ACTL8: variants seen among roughly 807,000 people sequenced by gnomAD.
ACTL8 encodes the protein actin-like protein 8.
ACTL8 carries 3 observed loss-of-function variants against 9.3 expected under a neutral mutation model. The ratio of observed to expected loss-of-function variants is 0.32; its 90% CI spans 0.15 to 0.83. ACTL8 has a LOEUF of 0.83. ACTL8 is among the 40% of genes least tolerant of loss of function. The pLI, the probability that ACTL8 is intolerant of heterozygous loss-of-function variation, is 0.57. For missense variants in ACTL8, 381 were observed against 492.2 expected (o/e 0.77, Z 2.14); for synonymous variants, 224 against 205.9 (o/e 1.09, Z -0.75).
chr1:17,764,955 T>C (rs1350783332), intron 1 of ACTL8, among the ~76,000 whole-genome samples: 1 of 152,154 alleles, frequency 6.6e-6, no homozygotes, highest in African/African-American at 2.4e-5. Flanking sequence ...GGGGGCTGTA[T>C]AGACACCAGA....
chr1:17,792,155 T>G (rs2066244475), intron 1 of ACTL8, among the ~76,000 whole-genome samples: 1 of 152,156 alleles, frequency 6.6e-6, no homozygotes, highest in Admixed American at 6.5e-5. Context: ...CAGGTGGAGC[T>G]CAAGAAAGGG....
chr1:17,761,071 C>T (rs1001677440), intron 1 of ACTL8, among the ~76,000 whole-genome samples: 2 of 151,760 alleles, frequency 1.3e-5, no homozygotes, highest in Non-Finnish European at 2.9e-5. Context: ...GGGTGCTTCA[C>T]TGCAGAGGGA....
At chr1:17,788,968 C>A (rs184076092) in intron 1 of ACTL8, among the ~76,000 whole-genome samples, 2 of 152,276 alleles carry the variant, frequency 1.3e-5, no homozygotes, top group African/African-American at 2.4e-5. Flanking sequence ...GAGGTATACA[C>A]GAATTTGCAG....
chr1:17,763,878 C>G (rs114146541), intron 1 of ACTL8, among the ~76,000 whole-genome samples: 1 of 152,216 alleles, frequency 6.6e-6, no homozygotes, highest in East Asian at 1.9e-4. Context: ...ACAGGGGTTG[C>G]GATGGAGCTC....
chr1:17,795,447 TGTA>T (rs1469904715), intron 1 of ACTL8, among the ~76,000 whole-genome samples: 1 of 152,230 alleles, frequency 6.6e-6, no homozygotes, highest in African/African-American at 2.4e-5. Context: ...TAAATAAGAA[TGTA>T]GTAAAATATA....
At chr1:17,813,066 T>G (rs527636075) in intron 1 of ACTL8, among the ~76,000 whole-genome samples, 7 of 152,244 alleles carry the variant, frequency 4.6e-5, no homozygotes, top group Admixed American at 3.9e-4. Context: ...CATTTTCTAC[T>G]TAGACAATTA....
intron 1 of ACTL8, among the ~76,000 whole-genome samples, chr1:17,813,319 C>T (rs2066405211): frequency 6.6e-6 from 1 of 152,118 alleles, no homozygotes; most frequent in Non-Finnish European, 1.5e-5. Context: ...CTTCTCTGTT[C>T]CTAGTTAAAG....
At chr1:17,800,583 CTTTTTTTTTT>C (rs59143238) in intron 1 of ACTL8, among the ~76,000 whole-genome samples, 1 of 69,168 alleles carries the variant, frequency 1.4e-5, no homozygotes, top group African/African-American at 6.5e-5. Flanking sequence ...TGGTGTCAAT[CTTTTTTTTTT>C]TTTTTTTTTT....
chr1:17,761,579 T>C (rs1557426903), intron 1 of ACTL8, among the ~76,000 whole-genome samples: 1 of 147,026 alleles, frequency 6.8e-6, no homozygotes, highest in African/African-American at 2.5e-5. Context: ...ACTTGTTCTG[T>C]TTTTTTTTTG....
At chr1:17,806,458 C>T (rs1345411478) in intron 1 of ACTL8, among the ~76,000 whole-genome samples, 2 of 152,286 alleles carry the variant, frequency 1.3e-5, no homozygotes, top group African/African-American at 2.4e-5. Flanking sequence ...CTTTAAGAGG[C>T]GCAAGTCTCC....
At chr1:17,795,243 A>G (rs1246435016) in intron 1 of ACTL8, among the ~76,000 whole-genome samples, 2 of 152,188 alleles carry the variant, frequency 1.3e-5, no homozygotes, top group Non-Finnish European at 2.9e-5. Flanking sequence ...CAAAGCAAAG[A>G]AGGGCACTTC....
intron 1 of ACTL8, among the ~76,000 whole-genome samples, chr1:17,771,359 A>G (rs963774497): frequency 1.3e-5 from 2 of 152,228 alleles, no homozygotes; most frequent in Non-Finnish European, 2.9e-5. Flanking sequence ...ATATAAAAAC[A>G]GGCAGTGAGC....
At position 17,801,073 on chromosome 1, in the gene ACTL8, C is replaced by CT. The variant is rs778632553; in HGVS notation, c.-24-21910dup. On this transcript the variant is annotated intron_variant, in intron 1 of 2. Coordinates refer to ENST00000375406, the MANE Select transcript of ACTL8 (RefSeq NM_030812.3). ...CTTTTGCCAATCTATTAAAATAATT[C>CT]TTGCACTTCTGTGCTAAACTCTGTT... is the stretch of plus-strand genomic sequence containing the variant. Among the ~76,000 whole-genome samples the CT allele has an allele frequency of 5.9e-5, 9 of 152,306 alleles. No individual in the cohort carries two copies. In the South Asian group the frequency reaches 1.4e-3, roughly 25 times the overall value.
intron 1 of ACTL8, among the ~76,000 whole-genome samples, chr1:17,755,733 A>G (rs2102670166): frequency 6.6e-6 from 1 of 151,072 alleles, no homozygotes; most frequent in South Asian, 2.1e-4. Flanking sequence ...TTTGGAGGAG[A>G]CTCTTCCATA....
intron 1 of ACTL8, among the ~76,000 whole-genome samples, chr1:17,788,171 T>C (rs575731245): frequency 6.6e-6 from 1 of 152,342 alleles, no homozygotes; most frequent in South Asian, 2.1e-4. Context: ...TAGCAGTTAT[T>C]TTGCCAGAGA....
At chr1:17,761,304 G>T (rs1349157637) in intron 1 of ACTL8, among the ~76,000 whole-genome samples, 1 of 151,968 alleles carries the variant, frequency 6.6e-6, no homozygotes, top group Non-Finnish European at 1.5e-5. Context: ...AGATGCCAAA[G>T]GGCCTAGCGC....
intron 1 of ACTL8, among the ~76,000 whole-genome samples, chr1:17,764,833 C>A (rs1044903574): frequency 1.3e-5 from 2 of 152,242 alleles, no homozygotes; most frequent in Non-Finnish European, 2.9e-5. Context: ...CAGTGTCTCC[C>A]TTTCCATCTC....
intron 1 of ACTL8, among the ~76,000 whole-genome samples, chr1:17,793,949 T>C (rs2066259512): frequency 6.6e-6 from 1 of 152,162 alleles, no homozygotes; most frequent in Non-Finnish European, 1.5e-5. Context: ...CAGTTGTGAG[T>C]AGCTTCTTGT....
chr1:17,781,961 G>A (rs2066158084), intron 1 of ACTL8, among the ~76,000 whole-genome samples: 2 of 152,214 alleles, frequency 1.3e-5, no homozygotes, highest in Non-Finnish European at 2.9e-5. Context: ...GGAGCCAGAT[G>A]GAGCCAAGAA....
Sources: gnomAD v4.1 joint callset for allele counts (sites outside exome capture counted in the v4.1 genomes callset) on GRCh38, gnomAD v4.1.1 for gene constraint, MANE v1.5 for transcripts, NCBI Gene and HGNC (gene_info 2026-07-23, HGNC 2026-07-21) for gene names.